NALCN: variants seen among roughly 807,000 people sequenced by gnomAD.
NALCN encodes sodium leak channel NALCN.
NALCN carries 111 observed loss-of-function variants against 225.3 expected under a neutral mutation model. That is an observed-to-expected ratio of 0.49 (90% CI 0.42 to 0.58). NALCN has a LOEUF of 0.58. Ranked by LOEUF, NALCN falls within the 20% of genes least tolerant of loss-of-function variation. The probability of loss-of-function intolerance (pLI) is 0.00; values close to 1 mark genes in which losing one functional copy is unlikely to be tolerated. For synonymous variants in NALCN, 764 were observed against 769.0 expected, an observed-to-expected ratio of 0.99 and a Z score of 0.11; for missense variants, 1,378 against 2,202.4, an observed-to-expected ratio of 0.63 and a Z score of 7.49.
chr13:101,148,968 A>T (rs2037494579), intron 15 of NALCN, among the ~76,000 whole-genome samples: 1 of 152,228 alleles, frequency 6.6e-6, no homozygotes, highest in Non-Finnish European at 1.5e-5. Flanking sequence ...GTCGTTGACA[A>T]ACTAATGAAT....
chr13:101,112,373 G>A (rs2035488536), intron 18 of NALCN, among the ~76,000 whole-genome samples: 1 of 152,284 alleles, frequency 6.6e-6, no homozygotes, highest in African/African-American at 2.4e-5. Flanking sequence ...AATGAGTGAA[G>A]ACAATTGGGT....
intron 7 of NALCN, among the ~76,000 whole-genome samples, chr13:101,302,625 A>T (rs2044012351): frequency 6.6e-6 from 1 of 152,202 alleles, no homozygotes. Context: ...AAATATTTAT[A>T]ATACAGCACT....
intron 6 of NALCN, among the ~76,000 whole-genome samples, chr13:101,345,737 AATATATATATAT>A (rs10560892): frequency 0.047 from 4,041 of 86,666 alleles, 222 homozygotes; most frequent in South Asian, 0.071. Context: ...CAGCAAAGAG[AATATATATATAT>A]ATATATATAT....
rs576514492 is a variant in NALCN at position 101,314,185 on chromosome 13, T to C, written c.800-21819A>G. Among the ~76,000 whole-genome samples the C allele has an allele frequency of 1.1e-3, 149 of 136,884 alleles. 1 individual carries two copies. Among genetic ancestry groups the C allele is most frequent in the African/African-American group, 3.8e-3 (145 of 38,012 alleles). The allele number at this position is 136,884 out of a possible 152,430, so 89.8% of individuals were successfully genotyped here. A position where few individuals can be genotyped will look rare whatever the true frequency, so the allele number is the denominator to read the frequency against. On this transcript the variant is annotated intron_variant, in intron 7 of 43. Coordinates refer to ENST00000251127, the MANE Select transcript of NALCN (RefSeq NM_052867.4). ...GTGGGGTGGGGGGAGGGGGGAGGGA[T>C]AGCATTTGGAGATAGGCCTAATGCT... is the stretch of plus-strand genomic sequence containing the variant.
intron 13 of NALCN, among the ~76,000 whole-genome samples, chr13:101,225,098 G>A (rs1444544270): frequency 3.3e-5 from 5 of 152,094 alleles, no homozygotes; most frequent in Non-Finnish European, 5.9e-5. Flanking sequence ...TGCAACATCC[G>A]ATTGCATTAA....
chr13:101,290,491 G>A (rs904824999), intron 9 of NALCN, among the ~76,000 whole-genome samples: 1 of 152,174 alleles, frequency 6.6e-6, no homozygotes, highest in African/African-American at 2.4e-5. Context: ...AACTTGCTAT[G>A]GTTGATTTCT....
At chr13:101,300,067 A>T (rs1398287709) in intron 7 of NALCN, among the ~76,000 whole-genome samples, 1 of 152,040 alleles carries the variant, frequency 6.6e-6, no homozygotes, top group Non-Finnish European at 1.5e-5. Context: ...TAAGGTGGAC[A>T]TCTGGACTCA....
chr13:101,229,688 A>G (rs1594483954), intron 12 of NALCN, 104 bp from the exon 13 acceptor site: 2 of 964,994 alleles, frequency 2.1e-6, no homozygotes, highest in East Asian at 3.1e-5. Context: ...GCTTTATGAA[A>G]ATCATACCTC....
At chr13:101,209,890 C>T (rs538446706) in intron 13 of NALCN, among the ~76,000 whole-genome samples, 3 of 152,298 alleles carry the variant, frequency 2.0e-5, no homozygotes, top group African/African-American at 7.2e-5. Flanking sequence ...GCCAACTTTG[C>T]AGAGTTCTCA....
At chr13:101,273,681 C>T (rs145155458) in intron 10 of NALCN, among the ~76,000 whole-genome samples, 314 of 151,950 alleles carry the variant, frequency 2.1e-3, no homozygotes, top group African/African-American at 7.1e-3. Context: ...GTCAGGAGAT[C>T]GAGACCATCC....
chr13:101,181,035 A>C (rs9582462), intron 14 of NALCN: 137,550 of 511,242 alleles, frequency 0.27, 20,654 homozygotes, highest in Non-Finnish European at 0.32. Flanking sequence ...ATTTTGAAGC[A>C]TTTAGACTTG....
intron 14 of NALCN, among the ~76,000 whole-genome samples, chr13:101,177,411 A>G (rs1295837420): frequency 8.4e-6 from 1 of 118,906 alleles, no homozygotes; most frequent in African/African-American, 3.5e-5. Context: ...AAATACGAGT[A>G]TATATATATA....
intron 10 of NALCN, among the ~76,000 whole-genome samples, chr13:101,276,591 A>G (rs1463605685): frequency 6.6e-6 from 1 of 152,212 alleles, no homozygotes; most frequent in Non-Finnish European, 1.5e-5. Context: ...TATGGTTCCT[A>G]TTCTAATTAT....
At chr13:101,098,377 A>G (rs2034628776) in intron 27 of NALCN, among the ~76,000 whole-genome samples, 1 of 152,082 alleles carries the variant, frequency 6.6e-6, no homozygotes, top group Non-Finnish European at 1.5e-5. Context: ...TCCCTTCCAC[A>G]TTTCATTTCA....
At chr13:101,345,914 G>GA (rs143065117) in intron 6 of NALCN, among the ~76,000 whole-genome samples, 36,028 of 146,088 alleles carry the variant, frequency 0.25, 4,635 homozygotes, top group Non-Finnish European at 0.28. Flanking sequence ...AGTCAGTTAA[G>GA]ACTGAAGCGA....
At chr13:101,117,054 C>A (rs1218157428) in intron 18 of NALCN, 7 of 469,054 alleles carry the variant, frequency 1.5e-5, no homozygotes, top group Non-Finnish European at 2.6e-5. Flanking sequence ...ATACCCCACT[C>A]CTTTGTGAGT....
chr13:101,191,765 A>C, intron 14 of NALCN, 152 bp downstream of exon 14: 1 of 688,690 alleles, frequency 1.5e-6, no homozygotes, highest in South Asian at 2.1e-5. Context: ...ATGTGTAGAA[A>C]CTTAGAATGG....
At chr13:101,332,894 G>A (rs2045237062) in intron 7 of NALCN, among the ~76,000 whole-genome samples, 1 of 152,134 alleles carries the variant, frequency 6.6e-6, no homozygotes, top group Non-Finnish European at 1.5e-5. Context: ...ACTCAGACAG[G>A]GATGCCTGCA....
At chr13:101,220,852 A>C (rs1474387196) in intron 13 of NALCN, among the ~76,000 whole-genome samples, 1 of 152,220 alleles carries the variant, frequency 6.6e-6, no homozygotes, top group Non-Finnish European at 1.5e-5. Flanking sequence ...GCTGTAATCT[A>C]GTCTTTTAAG....
Sources: allele counts gnomAD v4.1 joint callset (sites outside exome capture counted in the v4.1 genomes callset), GRCh38; gene constraint gnomAD v4.1.1; transcripts MANE v1.5; gene names NCBI Gene and HGNC (gene_info 2026-07-23, HGNC 2026-07-21).